The following OGFOD1 variants were observed in gnomAD, a reference collection of about 807,000 sequenced individuals.
The protein encoded by OGFOD1 is 2-oxoglutarate and iron dependent oxygenase domain containing 1.
OGFOD1 carries 54 observed loss-of-function variants against 67.7 expected under a neutral mutation model. That is an observed-to-expected ratio of 0.80 (90% CI 0.64 to 1.00). OGFOD1 has a LOEUF of 1.00. OGFOD1 is among the 50% of genes least tolerant of loss of function. OGFOD1 has a pLI of 0.00. For synonymous variants in OGFOD1, 221 were observed against 227.0 expected (o/e 0.97, Z 0.24); for missense variants, 606 against 646.7 (o/e 0.94, Z 0.68).
rs1396073484 is a variant in OGFOD1 at position 56,462,575 on chromosome 16, T to C, written c.389T>C (p.Ile130Thr). 2 of 1,613,398 alleles carry C rather than the reference T, an allele frequency of 1.2e-6. No individual in the cohort carries two copies. Among genetic ancestry groups the C allele is most frequent in the East Asian group, 2.2e-5 (1 of 44,850 alleles). The part of the protein sequence containing the change: ...FEDFRSWLSD[I>T]SKIDLESTID... ...GATTTCCGGTCCTGGCTTTCTGATA[T>C]TTCTAAAATTGACCTGGAATCAACC... Residue 130 changes from isoleucine (I) to threonine (T), a missense_variant, in exon 4 of 13, where the codon ATT (isoleucine) becomes ACT (threonine). By Grantham distance (89) the Ile-to-Thr change is moderately conservative. Transcript: ENST00000566157.
intron 2 of OGFOD1, chr16:56,454,709 C>A: frequency 2.7e-6 from 1 of 374,682 alleles, no homozygotes; most frequent in Non-Finnish European, 5.2e-6. Flanking sequence ...TGCATTTTCC[C>A]ATTTTATTTT....
intron 2 of OGFOD1, among the ~76,000 whole-genome samples, chr16:56,457,841 G>C (rs575678880): frequency 6.6e-5 from 10 of 152,004 alleles, no homozygotes; most frequent in Non-Finnish European, 1.2e-4. Context: ...CACCACGCCT[G>C]GCTAATTTTT....
At chr16:56,475,097 C>T (rs564257149) in intron 11 of OGFOD1, 147 bp downstream of exon 11, 21 of 824,712 alleles carry the variant, frequency 2.5e-5, no homozygotes, top group African/African-American at 1.0e-4. Context: ...AGGGATTTTA[C>T]GGGTCATGAA....
chr16:56,456,063 C>T (rs928406855), intron 2 of OGFOD1, among the ~76,000 whole-genome samples: 1 of 152,192 alleles, frequency 6.6e-6, no homozygotes, highest in South Asian at 2.1e-4. Context: ...TACTACTGCA[C>T]TGAAACTACA....
At chr16:56,457,971 C>CCCGG (rs1962582742) in intron 2 of OGFOD1, among the ~76,000 whole-genome samples, 1 of 152,202 alleles carries the variant, frequency 6.6e-6, no homozygotes, top group Non-Finnish European at 1.5e-5. Context: ...AGCCACCGTG[C>CCCGG]CCGGCCCCAC....
At chr16:56,460,374 T>G (rs1282641059) in intron 3 of OGFOD1, among the ~76,000 whole-genome samples, 1 of 152,250 alleles carries the variant, frequency 6.6e-6, no homozygotes, top group Non-Finnish European at 1.5e-5. Flanking sequence ...TGTGACACTT[T>G]CATAGAATGA....
chr16:56,459,611 G>C (rs984944638), intron 3 of OGFOD1, among the ~76,000 whole-genome samples: 1 of 152,104 alleles, frequency 6.6e-6, no homozygotes, highest in Admixed American at 6.5e-5. Flanking sequence ...CTGGGATCTA[G>C]TGTCTCACAC....
chr16:56,470,667 C>T lies in OGFOD1; in HGVS notation c.1161C>T (p.Ile387=), dbSNP rs536261215. The T allele has an allele frequency of 6.2e-7, 1 of 1,614,136 alleles. No individual in the cohort carries two copies. The highest frequency in any genetic ancestry group is 2.2e-5 in the East Asian group (1 of 44,874). ...AAAAAGAGGCAGAAACCACTGATATCACTGAAGAAGGGACTAGCCATAGTC... is the reference window on the plus strand; with the variant it reads ...AAAAAGAGGCAGAAACCACTGATATTACTGAAGAAGGGACTAGCCATAGTC... ...NDKKEAETTD[I]TEEGTSHSPP... Residue 387 remains isoleucine (I), a synonymous_variant, in exon 10 of 13, where the codon ATC becomes ATT. Transcript: ENST00000566157.
intron 4 of OGFOD1, among the ~76,000 whole-genome samples, chr16:56,464,194 C>T (rs947230341): frequency 6.6e-6 from 1 of 152,066 alleles, no homozygotes; most frequent in Admixed American, 6.5e-5. Flanking sequence ...TAGATTCAGG[C>T]CATATATTTT....
intron 8 of OGFOD1, among the ~76,000 whole-genome samples, chr16:56,468,334 T>C (rs1962990052): frequency 6.6e-6 from 1 of 152,230 alleles, no homozygotes; most frequent in Admixed American, 6.5e-5. Flanking sequence ...TGGTGCTTCT[T>C]ATTACTTTTA....
intron 4 of OGFOD1, among the ~76,000 whole-genome samples, chr16:56,465,063 G>A (rs112134747): frequency 1.6e-4 from 24 of 151,118 alleles, no homozygotes; most frequent in African/African-American, 4.4e-4. Context: ...ACAGTGGTGC[G>A]ATCTTGGCTC....
rs1006455288 is a variant in OGFOD1 at position 56,460,024 on chromosome 16, G to C, written c.347+1430G>C. Among the ~76,000 whole-genome samples, 5 of 152,124 alleles carry C rather than the reference G, an allele frequency of 3.3e-5. No individual in the cohort carries two copies. The East Asian group carries it at 9.6e-4, about 29-fold the overall frequency. On this transcript the variant is annotated intron_variant, in intron 3 of 12. Coordinates refer to ENST00000566157, the MANE Select transcript of OGFOD1 (RefSeq NM_018233.4). ...TATTTTTTCTCTGCAGTACTTCCAT[G>C]TATTATAGGCAGCTTGCACAATTTC...
chr16:56,453,117 T>C (rs1388556674), intron 1 of OGFOD1, 146 bp from the exon 2 acceptor site: 4 of 742,466 alleles, frequency 5.4e-6, no homozygotes, highest in Non-Finnish European at 6.5e-6. Context: ...GGTCAGAGCT[T>C]ATCATTTTTT....
At chr16:56,462,657 G>A (rs565995470) in intron 4 of OGFOD1, 23 bp downstream of exon 4, 3 of 1,384,964 alleles carry the variant, frequency 2.2e-6, no homozygotes, top group South Asian at 2.3e-5. Context: ...AAGGCCTGGT[G>A]TCTGTAAGAT....
At chr16:56,456,630 C>T (rs1372673535) in intron 2 of OGFOD1, among the ~76,000 whole-genome samples, 2 of 152,218 alleles carry the variant, frequency 1.3e-5, no homozygotes, top group Non-Finnish European at 2.9e-5. Context: ...CTGTCAGCAA[C>T]AGATACGATA....
At chr16:56,475,897 A>G (rs1289660028) in intron 12 of OGFOD1, 147 bp from the exon 13 acceptor site, 2 of 704,584 alleles carry the variant, frequency 2.8e-6, no homozygotes, top group Non-Finnish European at 4.7e-6. Flanking sequence ...ATGGCTTGAC[A>G]GCCACCCCTA....
In OGFOD1 at chr16:56,451,765, C is replaced by T. The variant is rs776516161; in HGVS notation, c.153C>T (p.His51=). 2 of 1,612,140 alleles carry T rather than the reference C, an allele frequency of 1.2e-6. No individual in the cohort carries two copies. The highest frequency in any genetic ancestry group is 2.2e-5 in the East Asian group (1 of 44,892). Residue 51 remains histidine, a splice_region_variant and synonymous_variant, in exon 1 of 13, where the codon CAC becomes CAT. Transcript: ENST00000566157. ...GGAGCCGCAGGACGCCGTTCAGTCA[C>T]GGTAACCGGGTGCTCTCAGGGAGGG... is the stretch of plus-strand genomic sequence containing the variant. ...EAWSRRTPFS[H]EVIVMDMDPF...
Position 56,458,560 on chromosome 16 carries a change from AAGAAG to A in OGFOD1, c.322_326del (p.Arg108AlafsTer12), listed in dbSNP as rs762951284. 19 of 1,613,578 alleles carry A rather than the reference AAGAAG, an allele frequency of 1.2e-5. No individual in the cohort carries two copies. Among genetic ancestry groups the A allele is most frequent in the Non-Finnish European group, 1.4e-5 (16 of 1,179,530 alleles). ...TTTCATGATCAAGTCTGATGATTTG[AAGAAG>A]AGAAGAGAGCCTCACATCTCCACTT... On this transcript the variant is annotated frameshift_variant, in exon 3 of 13. Transcript: ENST00000566157. LOFTEE classifies it high-confidence loss of function.
rs56388148 is a variant in OGFOD1, at chr16:56,463,384, G to GTTTTTTTTTTTTTTTTTTTTTTTTT, written c.448+756_448+780dup. Among the ~76,000 whole-genome samples the GTTTTTTTTTTTTTTTTTTTTTTTTT allele has an allele frequency of 6.9e-5, 3 of 43,784 alleles. 1 individual carries two copies. Among genetic ancestry groups the GTTTTTTTTTTTTTTTTTTTTTTTTT allele is most frequent in the African/African-American group, 2.0e-4 (2 of 9,996 alleles). The allele number at this position is 43,784 out of a possible 152,430, so 28.7% of individuals were successfully genotyped here. A position where few individuals can be genotyped will look rare whatever the true frequency, so the allele number is the denominator to read the frequency against. On this transcript the variant is annotated intron_variant, in intron 4 of 12. Transcript: ENST00000566157. ...TACTGCCATGTCATTTCTTTTTTGG[G>GTTTTTTTTTTTTTTTTTTTTTTTTT]TTTTTTTTTTTTTTTTTTTTTTTTT...
Sources: allele counts gnomAD v4.1 joint callset (sites outside exome capture counted in the v4.1 genomes callset), GRCh38; gene constraint gnomAD v4.1.1; transcripts MANE v1.5; gene names NCBI Gene and HGNC (gene_info 2026-07-23, HGNC 2026-07-21).